The following FANCM variants were observed in gnomAD, a reference collection of about 807,000 sequenced individuals.
FANCM encodes Fanconi anemia group M protein.
Under a neutral mutation model 199.5 loss-of-function variants are expected in FANCM, and 140 were observed. The observed-to-expected ratio is 0.70, with a 90% CI of 0.61 to 0.81. FANCM has a LOEUF of 0.81. Among genes scored for constraint, FANCM ranks in the 30% least tolerant of loss-of-function variants. FANCM has a pLI of 0.00. For missense variants in FANCM, 2,410 were observed against 2,421.4 expected, an observed-to-expected ratio of 1.00 and a Z score of 0.10; for synonymous variants, 840 against 836.8, an observed-to-expected ratio of 1.00 and a Z score of -0.07.
intron 10 of FANCM, among the ~76,000 whole-genome samples, chr14:45,164,812 A>C (rs760407507): frequency 6.6e-6 from 1 of 152,174 alleles, no homozygotes; most frequent in African/African-American, 2.4e-5. Flanking sequence ...AGATACCTAG[A>C]TCTAAAAACC....
intron 16 of FANCM, among the ~76,000 whole-genome samples, chr14:45,183,504 A>AAAAAAT (rs1889192942): frequency 6.6e-6 from 1 of 152,176 alleles, no homozygotes; most frequent in Non-Finnish European, 1.5e-5. Flanking sequence ...GTGTTTGCAG[A>AAAAAAT]AAAAATAAAA....
chr14:45,168,924 A>G (rs191317705), intron 11 of FANCM, among the ~76,000 whole-genome samples: 1 of 143,436 alleles, frequency 7.0e-6, no homozygotes, highest in East Asian at 2.0e-4. Flanking sequence ...ACTATTTTTT[A>G]TTTTATTTTA....
At chr14:45,170,363 C>CA (rs1463399749) in intron 11 of FANCM, among the ~76,000 whole-genome samples, 2 of 152,050 alleles carry the variant, frequency 1.3e-5, no homozygotes, top group Non-Finnish European at 2.9e-5. Context: ...TTCATCTCTA[C>CA]AAAAAATAAG....
chr14:45,187,568 A>C (rs953057160), intron 18 of FANCM, among the ~76,000 whole-genome samples: 3 of 152,150 alleles, frequency 2.0e-5, no homozygotes, highest in African/African-American at 7.2e-5. Flanking sequence ...GTCCATGATC[A>C]CTCAACTAGA....
chr14:45,141,448 T>C (rs576202042), intron 3 of FANCM, among the ~76,000 whole-genome samples: 64 of 151,318 alleles, frequency 4.2e-4, no homozygotes, highest in African/African-American at 1.5e-3. Flanking sequence ...CTAGCTTTTT[T>C]TCAGTGGTTG....
In FANCM at chr14:45,151,495, T is replaced by A. The variant is rs2139160435; in HGVS notation, c.1017T>A (p.Asp339Glu). ...AATATCAGATAATTCTGGCAAGAGA[T>A]CAGTTTAGGAAAAACCCATCTCCGA... ...LTKYQIILARDQFRKNPSPNI... is the reference protein window; with the variant it reads ...LTKYQIILAREQFRKNPSPNI... Residue 339 changes from aspartate to glutamate, a missense_variant, in exon 5 of 23, where the codon GAT becomes GAA. Coordinates refer to ENST00000267430, the MANE Select transcript of FANCM (RefSeq NM_020937.4). The A allele has an allele frequency of 1.2e-6, 2 of 1,612,834 alleles. No homozygotes were observed. Among genetic ancestry groups the A allele is most frequent in the Non-Finnish European group, 1.7e-6 (2 of 1,178,904 alleles).
intron 9 of FANCM, among the ~76,000 whole-genome samples, chr14:45,162,485 C>A (rs973036516): frequency 1.2e-4 from 18 of 152,218 alleles, no homozygotes; most frequent in African/African-American, 3.4e-4. Flanking sequence ...AAGTTCTGGT[C>A]CAATTTTTAA....
intron 7 of FANCM, 25 bp from the exon 8 acceptor site, chr14:45,155,347 AT>A: frequency 1.9e-6 from 2 of 1,030,604 alleles, no homozygotes; most frequent in Non-Finnish European, 3.0e-6. Flanking sequence ...ACAGAAAAAA[AT>A]TTTGATATTT....
intron 21 of FANCM, among the ~76,000 whole-genome samples, chr14:45,197,823 G>A (rs1890150262): frequency 6.6e-6 from 1 of 150,906 alleles, no homozygotes; most frequent in Admixed American, 6.6e-5. Flanking sequence ...GAGTGCAGTG[G>A]CGCAATCTCG....
At chr14:45,155,534 A>C (rs968292505) in intron 8 of FANCM, 75 bp downstream of exon 8, 4 of 791,526 alleles carry the variant, frequency 5.1e-6, no homozygotes, top group Middle Eastern at 2.4e-4. Context: ...GGCTGGGTGC[A>C]GTGGTTCACA....
chr14:45,188,709 T>C (rs1889563716), intron 19 of FANCM, 93 bp from the exon 20 acceptor site: 1 of 925,146 alleles, frequency 1.1e-6, no homozygotes, highest in Non-Finnish European at 1.7e-6. Flanking sequence ...ATTAAACAAA[T>C]ATTAATGCAG....
At chr14:45,139,053 A>C (rs936375566) in intron 2 of FANCM, among the ~76,000 whole-genome samples, 5 of 152,226 alleles carry the variant, frequency 3.3e-5, no homozygotes, top group Admixed American at 6.5e-5. Flanking sequence ...ATCATACAAA[A>C]CATTTTTAAA....
intron 17 of FANCM, among the ~76,000 whole-genome samples, chr14:45,184,891 A>C (rs1889296444): frequency 6.7e-6 from 1 of 149,964 alleles, no homozygotes; most frequent in South Asian, 2.1e-4. Flanking sequence ...CTCCTGCCTC[A>C]GCTTCCCGAG....
At position 45,175,416 on chromosome 14, in the gene FANCM, A is replaced by T. The variant is rs755964806; in HGVS notation, c.2662A>T (p.Asn888Tyr). 1.8e-5 allele frequency: 29 copies of T among 1,580,740 alleles called. No individual in the cohort carries two copies. Among genetic ancestry groups the T allele is most frequent in the Non-Finnish European group, 2.3e-5 (27 of 1,163,430 alleles). The change falls in exon 14 of 23, where the codon AAT (asparagine) becomes TAT (tyrosine). Residue 888 changes from asparagine to tyrosine, a missense_variant. Coordinates refer to ENST00000267430, the MANE Select transcript of FANCM (RefSeq NM_020937.4). Reference sequence around the variant, plus strand: ...TAATGACAGAAATTCCACTGTTGAAAATATTTTTCAAGAAGACCTACCAAA... The same window carrying T: ...TAATGACAGAAATTCCACTGTTGAATATATTTTTCAAGAAGACCTACCAAA... ...VDNDRNSTVE[N>Y]IFQEDLPNDK... is the part of the protein sequence containing the mutation.
At chr14:45,186,129 A>G (rs1889386763) in intron 18 of FANCM, among the ~76,000 whole-genome samples, 1 of 152,138 alleles carries the variant, frequency 6.6e-6, no homozygotes, top group Non-Finnish European at 1.5e-5. Flanking sequence ...CCAGGCCTCA[A>G]GCAATCCTCT....
At chr14:45,161,789 A>T (rs1013605271) in intron 9 of FANCM, among the ~76,000 whole-genome samples, 2 of 152,086 alleles carry the variant, frequency 1.3e-5, no homozygotes, top group Non-Finnish European at 2.9e-5. Flanking sequence ...AAAAAGAAAA[A>T]AAAATCATGC....
chr14:45,164,284 G>A, intron 9 of FANCM, 75 bp from the exon 10 acceptor site: 1 of 1,226,386 alleles, frequency 8.2e-7, no homozygotes, highest in Non-Finnish European at 1.2e-6. Flanking sequence ...TTTCAGGTGA[G>A]TGGGGAAAAA....
intron 18 of FANCM, among the ~76,000 whole-genome samples, chr14:45,186,235 T>A (rs553185722): frequency 6.6e-6 from 1 of 152,176 alleles, no homozygotes; most frequent in Non-Finnish European, 1.5e-5. Flanking sequence ...GAGGCCTCAT[T>A]GAGAAGGTGA....
intron 3 of FANCM, among the ~76,000 whole-genome samples, chr14:45,147,210 C>G (rs1394070744): frequency 2.0e-5 from 3 of 152,276 alleles, no homozygotes; most frequent in African/African-American, 7.2e-5. Context: ...GGCACTGCGC[C>G]AGGTATTGGG....
Sources: gnomAD v4.1 joint callset for allele counts (sites outside exome capture counted in the v4.1 genomes callset) on GRCh38, gnomAD v4.1.1 for gene constraint, MANE v1.5 for transcripts, NCBI Gene and HGNC (gene_info 2026-07-23, HGNC 2026-07-21) for gene names.